Variants in PREP observed in about 807,000 individuals in gnomAD.
PREP encodes prolyl endopeptidase.
A neutral mutation model predicts 87.6 loss-of-function variants in PREP; 29 were observed. The observed-to-expected ratio is 0.33, with a 90% confidence interval of 0.25 to 0.45. The LOEUF (loss-of-function observed/expected upper bound fraction) is 0.45, where lower values mean the gene tolerates loss of function less well. Among genes scored for constraint, PREP ranks in the 20% least tolerant of loss-of-function variants. The pLI, the probability that PREP is intolerant of heterozygous loss-of-function variation, is 1.00. For missense variants in PREP, 695 were observed against 886.5 expected, an observed-to-expected ratio of 0.78 and a Z score of 2.74; for synonymous variants, 337 against 328.6, an observed-to-expected ratio of 1.03 and a Z score of -0.28.
At chr6:105,368,501 T>C (rs182092877) in intron 6 of PREP, among the ~76,000 whole-genome samples, 80 of 152,194 alleles carry the variant, frequency 5.3e-4, no homozygotes, top group Non-Finnish European at 9.4e-4. Context: ...CACAGTTGTA[T>C]AAAAAAGGGA....
chr6:105,372,020 T>C (rs1042597338), intron 5 of PREP, among the ~76,000 whole-genome samples: 4 of 152,128 alleles, frequency 2.6e-5, no homozygotes, highest in African/African-American at 9.7e-5. Flanking sequence ...GCTAATTTCG[T>C]TTCCAGAGCG....
At chr6:105,354,879 G>C (rs1360824547) in intron 6 of PREP, among the ~76,000 whole-genome samples, 1 of 151,956 alleles carries the variant, frequency 6.6e-6, no homozygotes. Flanking sequence ...TCTTTCATTT[G>C]CTCCTTCAAT....
intron 2 of PREP, among the ~76,000 whole-genome samples, chr6:105,397,185 C>CCAAA (rs775026045): frequency 3.5e-4 from 30 of 86,856 alleles, no homozygotes; most frequent in Middle Eastern, 7.5e-3. Context: ...ACTCTGTCTA[C>CCAAA]AAAAAAAAAA....
intron 2 of PREP, among the ~76,000 whole-genome samples, chr6:105,395,071 A>C (rs1280604185): frequency 1.3e-5 from 2 of 152,230 alleles, no homozygotes; most frequent in Admixed American, 1.3e-4. Context: ...TCTGGGCTGC[A>C]AAGATTGCTT....
intron 7 of PREP, among the ~76,000 whole-genome samples, chr6:105,341,279 C>G (rs559054359): frequency 5.5e-4 from 84 of 152,224 alleles, no homozygotes; most frequent in African/African-American, 1.9e-3. Flanking sequence ...ACCTGCTCTT[C>G]AATGACTACT....
In PREP at chr6:105,277,620, A is replaced by AAACT. The variant is rs751521662; in HGVS notation, c.*520_*523dup. On this transcript the variant is annotated 3_prime_UTR_variant, in exon 15 of 15. Coordinates refer to ENST00000652536, the MANE Select transcript of PREP (RefSeq NM_002726.5). ...AACATTCTATGACTTAACTGCTTGAAAACTAACTTGTTGCAGAAAGGTGAA... is the reference window on the plus strand; with the variant it reads ...AACATTCTATGACTTAACTGCTTGAAAACTAACTAACTTGTTGCAGAAAGGTGAA... 5.9e-4 allele frequency: 92 copies of AAACT among 155,602 alleles called. No individual in the cohort carries two copies. Among genetic ancestry groups the AAACT allele is most frequent in the Non-Finnish European group, 9.7e-4 (68 of 70,024 alleles). The allele number at this position is 155,602 out of a possible 1,614,324, so 9.6% of individuals were successfully genotyped here. A position where few individuals can be genotyped will look rare whatever the true frequency, so the allele number is the denominator to read the frequency against.
At chr6:105,359,312 T>C (rs1037197053) in intron 6 of PREP, among the ~76,000 whole-genome samples, 2 of 152,088 alleles carry the variant, frequency 1.3e-5, no homozygotes, top group Admixed American at 6.5e-5. Flanking sequence ...AGAAGTACAA[T>C]GTATGATGTG....
At chr6:105,320,742 A>G in intron 10 of PREP, among the ~76,000 whole-genome samples, 1 of 152,230 alleles carries the variant, frequency 6.6e-6, no homozygotes. Context: ...TATGAGGTAA[A>G]TACAAACCCC....
At chr6:105,314,569 C>G (rs1303268298) in intron 10 of PREP, among the ~76,000 whole-genome samples, 1 of 152,166 alleles carries the variant, frequency 6.6e-6, no homozygotes, top group Non-Finnish European at 1.5e-5. Context: ...AAGAAGGCAA[C>G]TCCTCATCCA....
chr6:105,385,756 C>A (rs578058770), intron 2 of PREP, among the ~76,000 whole-genome samples: 2 of 152,310 alleles, frequency 1.3e-5, no homozygotes, highest in East Asian at 3.9e-4. Context: ...AAAACACTAT[C>A]ATTTAATGTT....
chr6:105,387,261 C>T (rs73516045), intron 2 of PREP, among the ~76,000 whole-genome samples: 6,733 of 151,962 alleles, frequency 0.044, 515 homozygotes, highest in African/African-American at 0.16. Context: ...AATCAGTTAT[C>T]GCAGTTCTTT....
At chr6:105,377,580 A>T in intron 2 of PREP, 61 bp from the exon 3 acceptor site, 1 of 1,548,920 alleles carries the variant, frequency 6.5e-7, no homozygotes, top group Non-Finnish European at 8.8e-7. Flanking sequence ...GTGAAATATT[A>T]TCCACTAATA....
rs1769903432 is a variant in PREP at position 105,274,844 on chromosome 6, T to C, written c.*3300A>G. 6.6e-6 allele frequency among the ~76,000 whole-genome samples: 1 copy of C among 152,140 alleles called. No individual in the cohort carries two copies. The highest frequency in any genetic ancestry group is 1.5e-5 in the Non-Finnish European group (1 of 68,014). ...CTGCCCACCTCCTGGCTGGGGAACT[T>C]GGACCTTTGCCAAATGGGGAAAAGG... On this transcript the variant is annotated 3_prime_UTR_variant, in exon 15 of 15. Coordinates refer to ENST00000652536, the MANE Select transcript of PREP (RefSeq NM_002726.5).
At chr6:105,387,495 T>G (rs1162706570) in intron 2 of PREP, among the ~76,000 whole-genome samples, 1 of 152,088 alleles carries the variant, frequency 6.6e-6, no homozygotes, top group East Asian at 1.9e-4. Context: ...GGCTGGAGTC[T>G]TCGCCTCTAC....
chr6:105,348,825 A>T (rs1370687524), intron 7 of PREP, among the ~76,000 whole-genome samples: 1 of 151,370 alleles, frequency 6.6e-6, no homozygotes, highest in African/African-American at 2.4e-5. Context: ...GTTGCGGTGA[A>T]CTGAGATCAC....
chr6:105,319,969 A>G (rs1480089720), intron 10 of PREP, among the ~76,000 whole-genome samples: 1 of 152,220 alleles, frequency 6.6e-6, no homozygotes. Flanking sequence ...TACTATGAAT[A>G]TTTATTGATA....
chr6:105,347,840 C>T (rs1771838088), intron 7 of PREP, among the ~76,000 whole-genome samples: 1 of 151,922 alleles, frequency 6.6e-6, no homozygotes, highest in African/African-American at 2.4e-5. Context: ...TAGTGAGACT[C>T]CATCTCTATT....
chr6:105,370,509 C>G (rs1394381478), intron 5 of PREP, among the ~76,000 whole-genome samples: 1 of 151,976 alleles, frequency 6.6e-6, no homozygotes, highest in Non-Finnish European at 1.5e-5. Context: ...ACCACATGAT[C>G]CCACAGTCAT....
At chr6:105,281,096 C>G (rs1203037227) in intron 14 of PREP, 1 of 152,150 alleles carries the variant, frequency 6.6e-6, no homozygotes, top group African/African-American at 2.4e-5. Flanking sequence ...TCTGGGTCTT[C>G]CAAGGTCAAA....
Sources: gnomAD v4.1 joint callset for allele counts (sites outside exome capture counted in the v4.1 genomes callset) on GRCh38, gnomAD v4.1.1 for gene constraint, MANE v1.5 for transcripts, NCBI Gene and HGNC (gene_info 2026-07-23, HGNC 2026-07-21) for gene names.